TRAPPC2L: variants seen among roughly 807,000 people sequenced by gnomAD.
TRAPPC2L encodes trafficking protein particle complex subunit 2-like protein.
A neutral mutation model predicts 13.2 loss-of-function variants in TRAPPC2L; 17 were observed. The ratio of observed to expected loss-of-function variants is 1.29; its 90% confidence interval spans 0.88 to 1.93. The LOEUF (loss-of-function observed/expected upper bound fraction) is 1.93. TRAPPC2L is among the 30% of genes most tolerant of loss of function. The pLI is 0.00. For missense variants in TRAPPC2L, 359 were observed against 252.1 expected, an observed-to-expected ratio of 1.42 and a Z score of -2.87; for synonymous variants, 150 against 98.1, an observed-to-expected ratio of 1.53 and a Z score of -3.12.
At chr16:88,857,964 A>G (rs1438178007) in intron 1 of TRAPPC2L, among the ~76,000 whole-genome samples, 1 of 152,174 alleles carries the variant, frequency 6.6e-6, no homozygotes, top group Non-Finnish European at 1.5e-5. Context: ...TAAGCTGCTC[A>G]TGGGCTTCCC....
At chr16:88,859,635 C>A in intron 2 of TRAPPC2L, 28 bp from the exon 3 acceptor site, 3 of 1,608,084 alleles carry the variant, frequency 1.9e-6, no homozygotes, top group Non-Finnish European at 2.6e-6. Context: ...CCCTGTGTTA[C>A]GAGTGCCTTC....
At position 88,858,617 on chromosome 16, in the gene TRAPPC2L, A is replaced by C; in HGVS notation, c.34-2A>C. On this transcript the variant is annotated splice_acceptor_variant, in intron 1 of 3. Transcript: ENST00000565504. LOFTEE classifies it high-confidence loss of function. Reference sequence around the variant, plus strand: ...TTCAGTCGCCGTCATCCTTTCTTGCAGAATTACCCCCTCTACATTCGCAGC... The same window carrying C: ...TTCAGTCGCCGTCATCCTTTCTTGCCGAATTACCCCCTCTACATTCGCAGC... The C allele has an allele frequency of 6.2e-7, 1 of 1,611,754 alleles. No homozygotes were observed.
exon 2 of TRAPPC2L, chr16:88,858,721 A>G: frequency 1.2e-6 from 2 of 1,613,542 alleles, no homozygotes; most frequent in Non-Finnish European, 1.7e-6. Flanking sequence ...GATCTCCGCA[A>G]TGGGGAAGGC....
exon 1 of TRAPPC2L, chr16:88,857,154 G>A (rs763533455): frequency 8.2e-6 from 13 of 1,583,396 alleles, no homozygotes; most frequent in Non-Finnish European, 1.0e-5. Context: ...TCCCAAGATG[G>A]CGGTGTGCAT....
chr16:88,861,391 G>A (rs1968376813), exon 4 of TRAPPC2L: 2 of 345,798 alleles, frequency 5.8e-6, no homozygotes, highest in African/African-American at 4.3e-5. Context: ...GGCACAAGGG[G>A]AGCCGGCGTG....
At chr16:88,861,170 G>T (rs1054441370) in exon 4 of TRAPPC2L, 25 of 588,828 alleles carry the variant, frequency 4.2e-5, no homozygotes, top group Non-Finnish European at 7.3e-5. Context: ...ATTCAACTAA[G>T]GACTTTTCTG....
At chr16:88,860,851 C>T (rs766476476) in exon 4 of TRAPPC2L, 15 of 1,535,962 alleles carry the variant, frequency 9.8e-6, no homozygotes, top group Middle Eastern at 1.7e-4. Flanking sequence ...CTGCCCGGCC[C>T]GTCTCTGAGC....
At chr16:88,856,564 C>G (rs903582896), upstream of TRAPPC2L, 1 of 641,542 alleles carries the variant, frequency 1.6e-6, no homozygotes, top group Non-Finnish European at 2.8e-6. Flanking sequence ...GGGGCCTCCC[C>G]CTCCCCGCAC....
intron 1 of TRAPPC2L, among the ~76,000 whole-genome samples, chr16:88,858,258 G>A (rs1035427229): frequency 6.6e-6 from 1 of 152,008 alleles, no homozygotes; most frequent in African/African-American, 2.4e-5. Context: ...TGCTGTATTT[G>A]GGTGAGCCAT....
At chr16:88,861,738 C>A (rs1396564877) in exon 4 of TRAPPC2L, 1 of 454,274 alleles carries the variant, frequency 2.2e-6, no homozygotes, top group Admixed American at 2.4e-5. Context: ...GCTGAGGGGA[C>A]CCCCCCGGAG....
At chr16:88,860,777 C>G (rs770360268) in exon 4 of TRAPPC2L, 10 of 946,770 alleles carry the variant, frequency 1.1e-5, no homozygotes, top group Non-Finnish European at 1.6e-5. Flanking sequence ...GTCCTGGCCT[C>G]TCAGCGGAGT....
At chr16:88,858,730 G>A (rs1298871900) in exon 2 of TRAPPC2L, 1 of 1,613,510 alleles carries the variant, frequency 6.2e-7, no homozygotes, top group Non-Finnish European at 8.5e-7. Context: ...AATGGGGAAG[G>A]CCCTGGTCGA....
upstream of TRAPPC2L, chr16:88,856,418 G>A: frequency 4.3e-6 from 3 of 701,240 alleles, no homozygotes; most frequent in Middle Eastern, 2.4e-4. Context: ...TCAGACGGGG[G>A]AGGCAGGGCC....
exon 4 of TRAPPC2L, chr16:88,861,771 A>C: frequency 2.3e-6 from 1 of 430,178 alleles, no homozygotes; most frequent in South Asian, 1.6e-5. Flanking sequence ...CTGGTCCAGG[A>C]CTGGAGAGTT....
upstream of TRAPPC2L, chr16:88,857,028 G>A: frequency 7.1e-7 from 1 of 1,414,342 alleles, no homozygotes; most frequent in Non-Finnish European, 9.2e-7. Flanking sequence ...GGCGGGGCCT[G>A]GACTGCCTCG....
intron 2 of TRAPPC2L, 79 bp downstream of exon 2, chr16:88,858,870 T>C: frequency 6.9e-7 from 1 of 1,457,926 alleles, no homozygotes; most frequent in Non-Finnish European, 9.2e-7. Flanking sequence ...ACTTGAAACC[T>C]TTTAGAAGAA....
At chr16:88,860,566 G>A in exon 4 of TRAPPC2L, 1 of 591,182 alleles carries the variant, frequency 1.7e-6, no homozygotes, top group African/African-American at 1.9e-5. Context: ...CTGTCTTGGG[G>A]CCATCCTGGT....
chr16:88,860,751 G>T, exon 4 of TRAPPC2L: 1 of 740,346 alleles, frequency 1.4e-6, no homozygotes, highest in South Asian at 1.7e-5. Context: ...TCAGTGCCCG[G>T]TGGGGTGGGA....
rs151017059 is a variant in TRAPPC2L, at chr16:88,860,225, C to T, written c.627C>T (p.Ser209=). The T allele has an allele frequency of 7.4e-4, 522 of 703,330 alleles. 2 individuals carry two copies. In the African/African-American group the frequency reaches 8.1e-3, roughly 11 times the overall value. 43.6% of individuals were successfully genotyped at this position (703,330 alleles called of 1,614,324 possible). A position where few individuals can be genotyped will look rare whatever the true frequency, so the allele number is the denominator to read the frequency against. ...GAGTAGAGCTTGCCCATTTGGCTTC[C>T]CAGGTGTGCCCAGTGGGTACCTGGG... is the stretch of plus-strand genomic sequence containing the variant. Residue 209 remains serine, a synonymous_variant, in exon 4 of 4, where the codon TCC becomes TCT. Transcript: ENST00000565504.
Sources: gnomAD v4.1 joint callset for allele counts (sites outside exome capture counted in the v4.1 genomes callset) on GRCh38, gnomAD v4.1.1 for gene constraint, MANE v1.5 for transcripts, NCBI Gene and HGNC (gene_info 2026-07-23, HGNC 2026-07-21) for gene names.